RBFOX1: variants seen among roughly 807,000 people sequenced by gnomAD.
RBFOX1 encodes the protein RNA binding fox-1 homolog 1.
A neutral mutation model predicts 57.7 loss-of-function variants in RBFOX1; 8 were observed. The observed-to-expected ratio is 0.14, with a 90% CI of 0.08 to 0.25. The LOEUF is 0.25. Ranked by LOEUF, RBFOX1 falls within the 10% of genes least tolerant of loss-of-function variation. The pLI, the probability that RBFOX1 is intolerant of heterozygous loss-of-function variation, is 1.00. For missense variants in RBFOX1, 611 were observed against 548.5 expected (o/e 1.11, Z -1.14); for synonymous variants, 326 against 222.4 (o/e 1.47, Z -4.15).
At chr16:5,339,470 G>GGTTTTTTTTTTTTTTTT (rs1567354925) in intron 1 of RBFOX1, among the ~76,000 whole-genome samples, 4 of 40,854 alleles carry the variant, frequency 9.8e-5, no homozygotes, top group Admixed American at 4.7e-4. Flanking sequence ...CTTTTTCCGT[G>GGTTTTTTTTTTTTTTTT]TTTTTTTTTT....
At chr16:5,875,614 C>G (rs1468735591) in intron 4 of RBFOX1, among the ~76,000 whole-genome samples, 2 of 152,080 alleles carry the variant, frequency 1.3e-5, no homozygotes, top group South Asian at 2.1e-4. Context: ...TGCTTGGTGA[C>G]TCATTCTAAG....
At chr16:6,848,696 G>A (rs1260679572) in intron 3 of RBFOX1, among the ~76,000 whole-genome samples, 2 of 152,080 alleles carry the variant, frequency 1.3e-5, no homozygotes, top group African/African-American at 2.4e-5. Context: ...GCAGATGGAT[G>A]GAATGAGAGA....
chr16:6,164,639 G>C lies in RBFOX1; in HGVS notation c.-127+144647G>C, dbSNP rs771037862. Among the ~76,000 whole-genome samples, 6 of 150,206 alleles carry C rather than the reference G, an allele frequency of 4.0e-5. No individual in the cohort carries two copies. The South Asian group carries it at 8.5e-4, about 21-fold the overall frequency. ...GAACCACCACACCTGGTAAATTTTT[G>C]TTTTGTTTTGTTTTTTTTTAGTAGA... On this transcript the variant is annotated intron_variant, in intron 1 of 15. Transcript: ENST00000550418.
intron 3 of RBFOX1, among the ~76,000 whole-genome samples, chr16:5,730,343 A>T (rs2052318705): frequency 6.6e-6 from 1 of 152,014 alleles, no homozygotes. Context: ...CCAGAGGAGC[A>T]TATAGATGGA....
intron 14 of RBFOX1, among the ~76,000 whole-genome samples, chr16:7,701,394 C>T (rs573876343): frequency 2.0e-5 from 3 of 152,180 alleles, no homozygotes; most frequent in South Asian, 2.1e-4. Flanking sequence ...TGACCAGTGG[C>T]AGCATTAGAT....
intron 3 of RBFOX1, among the ~76,000 whole-genome samples, chr16:5,715,929 C>T (rs1333456124): frequency 6.6e-6 from 1 of 152,172 alleles, no homozygotes; most frequent in Non-Finnish European, 1.5e-5. Context: ...ATCATCACAG[C>T]ATAGTTGTAT....
At chr16:6,752,489 C>G (rs925442278) in intron 3 of RBFOX1, among the ~76,000 whole-genome samples, 2 of 152,172 alleles carry the variant, frequency 1.3e-5, no homozygotes, top group Non-Finnish European at 2.9e-5. Context: ...CTGGACCTTG[C>G]TATGTGCTGG....
intron 3 of RBFOX1, among the ~76,000 whole-genome samples, chr16:5,851,919 G>C (rs866786858): frequency 1.3e-5 from 2 of 152,138 alleles, no homozygotes; most frequent in African/African-American, 4.8e-5. Context: ...GGAGAGCAGA[G>C]GCTCCATCAT....
At chr16:6,693,598 C>T (rs1319634788) in intron 3 of RBFOX1, among the ~76,000 whole-genome samples, 2 of 151,490 alleles carry the variant, frequency 1.3e-5, no homozygotes, top group Non-Finnish European at 1.5e-5. Context: ...CCTCCACTAC[C>T]ATCACCACCA....
chr16:6,097,160 G>C lies in RBFOX1; in HGVS notation c.-127+77168G>C, dbSNP rs889017970. Reference sequence around the variant, plus strand: ...TTCGTTCTTATATTCTTTCCTGTCTGCTGCCTTGTAAGACGTGACTTTCGC... The same window carrying C: ...TTCGTTCTTATATTCTTTCCTGTCTCCTGCCTTGTAAGACGTGACTTTCGC... On this transcript the variant is annotated intron_variant, in intron 1 of 15. Transcript: ENST00000550418. This position sits in a 1 kb window ranked among gnomAD's most constrained non-coding sequence, Gnocchi z 5.0. Among the ~76,000 whole-genome samples the C allele has an allele frequency of 1.3e-5, 2 of 152,094 alleles. No individual in the cohort carries two copies. Among genetic ancestry groups the C allele is most frequent in the African/African-American group, 2.4e-5 (1 of 41,394 alleles).
intron 2 of RBFOX1, among the ~76,000 whole-genome samples, chr16:5,506,568 C>T (rs12932752): frequency 0.089 from 13,578 of 152,246 alleles, 724 homozygotes; most frequent in African/African-American, 0.14. Context: ...GAGGTGCAGC[C>T]AGCCTAGCTC....
chr16:6,433,846 CT>C (rs201617630), intron 2 of RBFOX1, among the ~76,000 whole-genome samples: 2,269 of 127,082 alleles, frequency 0.018, 23 homozygotes, highest in African/African-American at 0.059. Context: ...TTTCATTTTT[CT>C]TTTTTTTTTT....
chr16:7,209,449 G>A (rs906830028), intron 4 of RBFOX1, among the ~76,000 whole-genome samples: 1 of 152,140 alleles, frequency 6.6e-6, no homozygotes, highest in African/African-American at 2.4e-5. Flanking sequence ...AAAAGCCCCT[G>A]CTATCATTTG....
chr16:6,080,731 T>C (rs993127378), intron 1 of RBFOX1, among the ~76,000 whole-genome samples: 2 of 152,222 alleles, frequency 1.3e-5, no homozygotes, highest in African/African-American at 4.8e-5. Flanking sequence ...GAAATACTAT[T>C]AAAAGAATGC....
At position 6,060,122 on chromosome 16, in the gene RBFOX1, GTTTTTTTTTTTTT is replaced by G. The variant is rs199690584; in HGVS notation, c.-127+40154_-127+40166del. Among the ~76,000 whole-genome samples, 21 of 114,210 alleles carry G rather than the reference GTTTTTTTTTTTTT, an allele frequency of 1.8e-4. 1 individual carries two copies. The highest frequency in any genetic ancestry group is 4.0e-4 in the African/African-American group (11 of 27,758). The allele number at this position is 114,210 out of a possible 152,430, so 74.9% of individuals were successfully genotyped here. A position where few individuals can be genotyped will look rare whatever the true frequency, so the allele number is the denominator to read the frequency against. On this transcript the variant is annotated intron_variant, in intron 1 of 15. Transcript: ENST00000550418. Reference sequence around the variant, plus strand: ...ATTTGGCCCTAAAATTAGGATTAGGGTTTTTTTTTTTTTTTTTTTTTTTTTTTTTTTTTTTTAC... The same window carrying G: ...ATTTGGCCCTAAAATTAGGATTAGGGTTTTTTTTTTTTTTTTTTTTTTTAC...
intron 1 of RBFOX1, among the ~76,000 whole-genome samples, chr16:5,416,372 A>G (rs951438867): frequency 1.3e-5 from 2 of 152,252 alleles, no homozygotes; most frequent in East Asian, 1.9e-4. Flanking sequence ...CTGTATATAC[A>G]TATCTATCTT....
chr16:5,330,563 C>G (rs573501907), intron 1 of RBFOX1, among the ~76,000 whole-genome samples: 2 of 152,132 alleles, frequency 1.3e-5, no homozygotes, highest in African/African-American at 2.4e-5. Context: ...TGCTACCATG[C>G]CCGGCTAATT....
chr16:7,296,440 G>C (rs549664826), intron 4 of RBFOX1, among the ~76,000 whole-genome samples: 7 of 151,998 alleles, frequency 4.6e-5, no homozygotes, highest in Non-Finnish European at 1.0e-4. Flanking sequence ...TCTTGGAACT[G>C]TCCATGTCAT....
intron 4 of RBFOX1, among the ~76,000 whole-genome samples, chr16:5,877,158 C>G (rs1047841577): frequency 6.6e-6 from 1 of 152,174 alleles, no homozygotes; most frequent in African/African-American, 2.4e-5. Flanking sequence ...TGTCTGCTCT[C>G]CAGGCTAGGC....
Sources: allele counts gnomAD v4.1 joint callset (sites outside exome capture counted in the v4.1 genomes callset), GRCh38; gene constraint gnomAD v4.1.1; non-coding constraint Gnocchi (gnomAD v3.1); transcripts MANE v1.5; gene names NCBI Gene and HGNC (gene_info 2026-07-23, HGNC 2026-07-21).